Variants in STARD10 observed in about 807,000 individuals in gnomAD.
The protein encoded by STARD10 is StAR related lipid transfer domain containing 10.
In STARD10, 24 loss-of-function variants were observed where a neutral mutation model predicts 36.0. That is an observed-to-expected ratio of 0.67 (90% CI 0.48 to 0.94). The LOEUF is 0.94. Ranked by LOEUF, STARD10 falls within the 40% of genes least tolerant of loss-of-function variation. STARD10 has a pLI of 0.00. For synonymous variants in STARD10, 156 were observed against 161.9 expected (o/e 0.96, Z 0.28); for missense variants, 335 against 396.6 (o/e 0.84, Z 1.32).
chr11:72,768,688 C>A (rs1858822528), intron 2 of STARD10, among the ~76,000 whole-genome samples: 1 of 152,250 alleles, frequency 6.6e-6, no homozygotes, highest in Non-Finnish European at 1.5e-5. Context: ...TGCCCTATCC[C>A]TAAACTCTCC....
intron 1 of STARD10, among the ~76,000 whole-genome samples, chr11:72,787,716 C>T (rs957563573): frequency 6.6e-6 from 1 of 152,204 alleles, no homozygotes; most frequent in Non-Finnish European, 1.5e-5. Context: ...GCCCTCCCTT[C>T]AGCTCTGTGC....
intron 2 of STARD10, among the ~76,000 whole-genome samples, chr11:72,772,550 C>A (rs1858876902): frequency 6.6e-6 from 1 of 152,186 alleles, no homozygotes; most frequent in South Asian, 2.1e-4. Flanking sequence ...CTTACTTGGA[C>A]CCCTGTAGCC....
At chr11:72,757,061 T>C (rs1053871377) in intron 5 of STARD10, among the ~76,000 whole-genome samples, 2 of 150,312 alleles carry the variant, frequency 1.3e-5, no homozygotes, top group Non-Finnish European at 2.9e-5. Flanking sequence ...AGGAGAATCA[T>C]TTGAACCCGG....
chr11:72,757,128 A>T (rs916184400), intron 5 of STARD10, among the ~76,000 whole-genome samples: 6 of 146,950 alleles, frequency 4.1e-5, no homozygotes, highest in Non-Finnish European at 8.9e-5. Context: ...CTGGGAAACA[A>T]GAGTGAAACT....
chr11:72,776,557 C>A (rs553480274), intron 2 of STARD10, among the ~76,000 whole-genome samples: 6 of 152,092 alleles, frequency 3.9e-5, no homozygotes, highest in Admixed American at 2.0e-4. Context: ...AAGGGAGTGG[C>A]GAGATCTCAG....
In STARD10 at chr11:72,755,230, C is replaced by T. The variant is rs564242038; in HGVS notation, c.631-88G>A. 825 of 1,455,104 alleles carry T rather than the reference C, an allele frequency of 5.7e-4. 3 individuals carry two copies. The African/African-American group carries it at 0.011, about 19-fold the overall frequency. 90.1% of individuals were successfully genotyped at this position (1,455,104 alleles called of 1,614,324 possible). On this transcript the variant is annotated intron_variant, in intron 6 of 6. Coordinates refer to ENST00000334805, the MANE Select transcript of STARD10 (RefSeq NM_006645.3). ...CCTCCAGCGGCTCAGCCCCCAGCATCCTGACTGGCTCCCTTTCAAAACTTC... is the reference window on the plus strand; with the variant it reads ...CCTCCAGCGGCTCAGCCCCCAGCATTCTGACTGGCTCCCTTTCAAAACTTC...
intron 5 of STARD10, 27 bp from the exon 6 acceptor site, chr11:72,755,780 A>G (rs767064938): frequency 3.1e-6 from 5 of 1,598,928 alleles, no homozygotes; most frequent in Non-Finnish European, 4.3e-6. Flanking sequence ...GGGAGGAAGC[A>G]GCCTCAGGGA....
At chr11:72,755,310 T>C in intron 6 of STARD10, 168 bp from the exon 7 acceptor site, 4 of 585,050 alleles carry the variant, frequency 6.8e-6, no homozygotes, top group East Asian at 7.0e-5. Context: ...TCCATTCTTT[T>C]TTTTTTTTTT....
chr11:72,755,273 G>T (rs1858628044), intron 6 of STARD10, 131 bp from the exon 7 acceptor site: 1 of 967,994 alleles, frequency 1.0e-6, no homozygotes, highest in Non-Finnish European at 1.5e-6. Flanking sequence ...AGCCCTACTT[G>T]CCCTCCCTGG....
intron 1 of STARD10, among the ~76,000 whole-genome samples, chr11:72,785,590 GA>G (rs1859061964): frequency 7.5e-6 from 1 of 133,944 alleles, no homozygotes; most frequent in Non-Finnish European, 1.6e-5. Context: ...AAAAAAAAGG[GA>G]ATAAGAACCT....
At chr11:72,789,259 C>T (rs1008116351) in intron 1 of STARD10, among the ~76,000 whole-genome samples, 4 of 152,208 alleles carry the variant, frequency 2.6e-5, no homozygotes, top group Admixed American at 2.0e-4. Context: ...ACAGTGAGTG[C>T]TCAATAACTG....
At chr11:72,770,733 A>G (rs1858844329) in intron 2 of STARD10, among the ~76,000 whole-genome samples, 1 of 152,194 alleles carries the variant, frequency 6.6e-6, no homozygotes, top group African/African-American at 2.4e-5. Flanking sequence ...CCAGAAATGC[A>G]GGTAGAGGGA....
At chr11:72,787,023 G>A (rs1001971061) in intron 1 of STARD10, among the ~76,000 whole-genome samples, 3 of 148,338 alleles carry the variant, frequency 2.0e-5, no homozygotes, top group African/African-American at 7.5e-5. Flanking sequence ...GTTCGAGGCT[G>A]CAGTGAGCTA....
At chr11:72,768,344 C>T (rs963874412) in intron 2 of STARD10, among the ~76,000 whole-genome samples, 4 of 152,280 alleles carry the variant, frequency 2.6e-5, no homozygotes, top group African/African-American at 9.6e-5. Context: ...GAGGCCCCCA[C>T]AAGGCAAGCA....
chr11:72,770,534 T>C (rs996365546), intron 2 of STARD10, among the ~76,000 whole-genome samples: 3 of 152,146 alleles, frequency 2.0e-5, no homozygotes, highest in Middle Eastern at 3.2e-3. Flanking sequence ...TTTTTCTTCC[T>C]AATTAAATGC....
intron 4 of STARD10, 128 bp from the exon 5 acceptor site, chr11:72,758,012 G>A: frequency 2.4e-6 from 2 of 835,076 alleles, no homozygotes; most frequent in Non-Finnish European, 4.1e-6. Flanking sequence ...ATCTGTTACA[G>A]ATCAGTCCTG....
At position 72,755,687 on chromosome 11, in the gene STARD10, C is replaced by G. The variant is rs899567105; in HGVS notation, c.630+14G>C. The G allele has an allele frequency of 6.2e-7, 1 of 1,613,568 alleles. No homozygotes were observed. Among genetic ancestry groups the G allele is most frequent in the African/African-American group, 1.3e-5 (1 of 74,858 alleles). On this transcript the variant is annotated intron_variant, in intron 6 of 6. Transcript: ENST00000334805. ...GTCTTCAACACCCCTCCCCAAAATC[C>G]CAAGGCCACTCACCTTGGGAGCCAG...
At position 72,776,941 on chromosome 11, in the gene STARD10, G is replaced by A. The variant is rs1565242951; in HGVS notation, c.207+4034C>T. 2.6e-5 allele frequency among the ~76,000 whole-genome samples: 4 copies of A among 152,284 alleles called. No individual in the cohort carries two copies. The South Asian group carries it at 6.2e-4, about 24-fold the overall frequency. ...GAGCTTTTCCCAAAGGGGAAGGGGA[G>A]GAGCAGCAGGACAGGAAGTCAGAGG... On this transcript the variant is annotated intron_variant, in intron 2 of 6. Transcript: ENST00000334805.
Position 72,759,365 on chromosome 11 carries a change from C to G in STARD10, c.224G>C (p.Cys75Ser), listed in dbSNP as rs371842503. Residue 75 changes from cysteine (C) to serine (S), a missense_variant, in exon 3 of 7, where the codon TGT becomes TCT. Coordinates refer to ENST00000334805, the MANE Select transcript of STARD10 (RefSeq NM_006645.3). ...LHKIKCRMEC[C>S]DVPAETLYDV... Reference sequence around the variant, plus strand: ...GTAGAGTGTCTCGGCTGGCACATCACAGCACTCCATCCGGCACTGCAGACA... The same window carrying G: ...GTAGAGTGTCTCGGCTGGCACATCAGAGCACTCCATCCGGCACTGCAGACA... The G allele has an allele frequency of 6.2e-7, 1 of 1,613,702 alleles. No individual in the cohort carries two copies. Among genetic ancestry groups the G allele is most frequent in the African/African-American group, 1.3e-5 (1 of 74,776 alleles).
Sources: gnomAD v4.1 joint callset for allele counts (sites outside exome capture counted in the v4.1 genomes callset) on GRCh38, gnomAD v4.1.1 for gene constraint, MANE v1.5 for transcripts, NCBI Gene and HGNC (gene_info 2026-07-23, HGNC 2026-07-21) for gene names.